SEC31B: variants seen among roughly 807,000 people sequenced by gnomAD.
The protein encoded by SEC31B is protein transport protein Sec31B.
A neutral mutation model predicts 135.0 loss-of-function variants in SEC31B; 113 were observed. The observed-to-expected ratio is 0.84, with a 90% CI of 0.72 to 0.98. The LOEUF is 0.98. Among genes scored for constraint, SEC31B ranks in the 50% least tolerant of loss-of-function variants. SEC31B has a pLI of 0.00. For synonymous variants in SEC31B, 508 were observed against 549.4 expected (o/e 0.92, Z 1.05); for missense variants, 1,296 against 1,421.1 (o/e 0.91, Z 1.42).
At position 100,509,402 on chromosome 10, in the gene SEC31B, T is replaced by G. The variant is rs1389146746; in HGVS notation, c.313A>C (p.Ile105Leu). The G allele has an allele frequency of 6.2e-7, 1 of 1,614,192 alleles. No homozygotes were observed. Among genetic ancestry groups the G allele is most frequent in the Non-Finnish European group, 8.5e-7 (1 of 1,180,022 alleles). The change falls in exon 4 of 26, where the codon ATC (isoleucine) becomes CTC (leucine). Residue 105 changes from isoleucine (I) to leucine (L), a missense_variant. Coordinates refer to ENST00000370345, the MANE Select transcript of SEC31B (RefSeq NM_015490.4). ...ACAGGCTCCTTCCCCGAAGACAGGA[T>G]GTGGGTCACATTGTATAGAATAAGC... ...GMLILYNVTH[I>L]LSSGKEPVIA...
chr10:100,493,473 C>A (rs1019850665), intron 19 of SEC31B, among the ~76,000 whole-genome samples: 1 of 152,014 alleles, frequency 6.6e-6, no homozygotes, highest in East Asian at 1.9e-4. Context: ...CTTGAATGAA[C>A]CTCAAAGAAG....
intron 11 of SEC31B, among the ~76,000 whole-genome samples, chr10:100,500,536 G>A (rs911467651): frequency 4.6e-5 from 7 of 151,848 alleles, no homozygotes; most frequent in African/African-American, 1.7e-4. Context: ...GGCTGGTCTC[G>A]AACTCCTGAC....
chr10:100,498,201 T>C lies in SEC31B; in HGVS notation c.1691A>G (p.Asp564Gly). Residue 564 changes from aspartate (D) to glycine (G), a missense_variant, in exon 15 of 26, where the codon GAT (aspartate) becomes GGT (glycine). By Grantham distance (94) the Asp-to-Gly change is moderately conservative (BLOSUM62 -1). Transcript: ENST00000370345. ...CAGGAGAGCCTGGCTTAGGAGTCCA[T>C]CAATATCTGCAGGCAGAAGCATCCC... is the stretch of plus-strand genomic sequence containing the variant. ...PWEIPITKDI[D>G]GLLSQALLLG... is the part of the protein sequence containing the mutation. 1 of 1,614,048 alleles carries C rather than the reference T, an allele frequency of 6.2e-7. No individual in the cohort carries two copies. The highest frequency in any genetic ancestry group is 8.5e-7 in the Non-Finnish European group (1 of 1,179,998).
In SEC31B at chr10:100,498,785, T is replaced by C; in HGVS notation, c.1604A>G (p.Lys535Arg). ...FCSQASKHTT[K>R]EASASSAFFD... ...GAAGGCTGAGGAAGCAGAGGCTTCC[T>C]TTGTGGTGTGTTTGGAGGCCTGTAT... The change falls in exon 14 of 26, where the codon AAG becomes AGG. Residue 535 changes from lysine (K) to arginine (R), a missense_variant. Transcript: ENST00000370345. 1 of 1,613,804 alleles carries C rather than the reference T, an allele frequency of 6.2e-7. No individual in the cohort carries two copies. Among genetic ancestry groups the C allele is most frequent in the South Asian group, 1.1e-5 (1 of 91,080 alleles).
rs1002292004 is a variant in SEC31B, at chr10:100,499,161, T to C, written c.1583A>G (p.Gln528Arg). The C allele has an allele frequency of 6.2e-7, 1 of 1,613,828 alleles. No individual in the cohort carries two copies. The highest frequency in any genetic ancestry group is 8.5e-7 in the Non-Finnish European group (1 of 1,179,762). ...AGGCTGACTGGACTCCTACCACACC[T>C]GGCTGCAGAAGGCCTGTTGTCTGTC... The part of the protein sequence containing the change: ...NSDRQQAFCS[Q>R]ASKHTTKEAS... The change falls in exon 13 of 26, where the codon CAG becomes CGG. Residue 528 changes from glutamine to arginine, a missense_variant and splice_region_variant. Gln to Arg is a conservative substitution (Grantham distance 43, BLOSUM62 1). Coordinates refer to ENST00000370345, the MANE Select transcript of SEC31B (RefSeq NM_015490.4).
At chr10:100,489,901 C>CA (rs1851266681) in intron 21 of SEC31B, 107 bp downstream of exon 21, 3 of 1,541,922 alleles carry the variant, frequency 1.9e-6, no homozygotes, top group Non-Finnish European at 2.6e-6. Context: ...AGCCACCCTC[C>CA]ACCCAACAGG....
chr10:100,489,686 G>T lies in SEC31B; in HGVS notation c.3024+17C>A, dbSNP rs766432344. On this transcript the variant is annotated intron_variant, in intron 22 of 25. Coordinates refer to ENST00000370345, the MANE Select transcript of SEC31B (RefSeq NM_015490.4). ...TGGTGAATGTGCGAGGGAGTGGGTA[G>T]GGAAAGATGCATTGACCTTGTTCCT... is the stretch of plus-strand genomic sequence containing the variant. The T allele has an allele frequency of 6.2e-7, 1 of 1,614,196 alleles. No homozygotes were observed. The highest frequency in any genetic ancestry group is 1.1e-5 in the South Asian group (1 of 91,086).
At chr10:100,501,223 C>T (rs779442524) in intron 11 of SEC31B, among the ~76,000 whole-genome samples, 6 of 151,910 alleles carry the variant, frequency 3.9e-5, no homozygotes, top group Admixed American at 6.6e-5. Flanking sequence ...CCAGCCTGAG[C>T]GACAAGAGTG....
rs150718370 is a variant in SEC31B, at chr10:100,489,765, T to C, written c.2966-4A>G. 120 of 1,613,984 alleles carry C rather than the reference T, an allele frequency of 7.4e-5. No homozygotes were observed. The East Asian group carries it at 2.5e-3, about 34-fold the overall frequency. On this transcript the variant is annotated splice_region_variant and splice_polypyrimidine_tract_variant and intron_variant, in intron 21 of 25. Transcript: ENST00000370345. ...TCTTTCCAGGAATCTTGAGGTCCTA[T>C]AGAATAAAAAGATAGAGGTTTTTCG...
At chr10:100,504,127 G>A (rs951082939) in intron 10 of SEC31B, among the ~76,000 whole-genome samples, 1 of 152,160 alleles carries the variant, frequency 6.6e-6, no homozygotes, top group Non-Finnish European at 1.5e-5. Context: ...CGATAAGAAC[G>A]GTTAAGTCCT....
At chr10:100,493,487 T>C (rs564672169) in intron 19 of SEC31B, among the ~76,000 whole-genome samples, 7 of 152,276 alleles carry the variant, frequency 4.6e-5, no homozygotes, top group Non-Finnish European at 5.9e-5. Flanking sequence ...AAAGAAGTTA[T>C]GCTAAGGGAG....
chr10:100,488,927 T>G lies in SEC31B; in HGVS notation c.3219A>C (p.Pro1073=). Residue 1073 remains proline, a synonymous_variant, in exon 24 of 26, where the codon CCA becomes CCC. Transcript: ENST00000370345. ...AGCTGCTCTTCAAGGACTGATGCTC[T>G]GGGGGCAGCTCCTTCCTTTCCATCT... is the stretch of plus-strand genomic sequence containing the variant. The part of the protein sequence containing the change: ...PEKMERKELP[P]EHQSLKSSFE... The G allele has an allele frequency of 6.2e-7, 1 of 1,611,690 alleles. No homozygotes were observed. Among genetic ancestry groups the G allele is most frequent in the Non-Finnish European group, 8.5e-7 (1 of 1,179,212 alleles).
chr10:100,487,558 T>A lies in SEC31B; in HGVS notation c.*58A>T, dbSNP rs1279957333. 2.0e-6 allele frequency: 3 copies of A among 1,477,878 alleles called. No individual in the cohort carries two copies. The East Asian group carries it at 7.1e-5, about 35-fold the overall frequency. 91.5% of individuals were successfully genotyped at this position (1,477,878 alleles called of 1,614,324 possible). A position where few individuals can be genotyped will look rare whatever the true frequency, so the allele number is the denominator to read the frequency against. On this transcript the variant is annotated 3_prime_UTR_variant, in exon 26 of 26. Coordinates refer to ENST00000370345, the MANE Select transcript of SEC31B (RefSeq NM_015490.4). Reference sequence around the variant, plus strand: ...AATCTGTTGCAGAAGTCCCCTCTTCTGCAGGGAGGAGTTATGTAACAGCAG... The same window carrying A: ...AATCTGTTGCAGAAGTCCCCTCTTCAGCAGGGAGGAGTTATGTAACAGCAG...
rs1225308356 is a variant in SEC31B, at chr10:100,516,233, A to G, written c.80-14T>C. 4 of 1,612,118 alleles carry G rather than the reference A, an allele frequency of 2.5e-6. No individual in the cohort carries two copies. The highest frequency in any genetic ancestry group is 3.4e-6 in the Non-Finnish European group (4 of 1,179,430). On this transcript the variant is annotated splice_polypyrimidine_tract_variant and intron_variant, in intron 2 of 25. Coordinates refer to ENST00000370345, the MANE Select transcript of SEC31B (RefSeq NM_015490.4). Reference sequence around the variant, plus strand: ...GGGCAGATGTTCCTAGGCACAAGAAAAGGCAGCATATGAGCAACAATATAT... The same window carrying G: ...GGGCAGATGTTCCTAGGCACAAGAAGAGGCAGCATATGAGCAACAATATAT...
rs1851355071 is a variant in SEC31B, at chr10:100,493,992, GACAAGGGAGGGAA to G, written c.2472+1380_2472+1392del. On this transcript the variant is annotated intron_variant, in intron 19 of 25. Coordinates refer to ENST00000370345, the MANE Select transcript of SEC31B (RefSeq NM_015490.4). ...AGAGGAGGGGAAGGGGAAAAGGGGA[GACAAGGGAGGGAA>G]GAAAGGGAGGGAGGAAAGGGAGGGA... is the stretch of plus-strand genomic sequence containing the variant. Among the ~76,000 whole-genome samples the G allele has an allele frequency of 2.7e-5, 4 of 148,894 alleles. No homozygotes were observed. In the South Asian group the frequency reaches 8.5e-4, roughly 32 times the overall value.
chr10:100,498,923 G>C, intron 13 of SEC31B, 119 bp from the exon 14 acceptor site: 1 of 790,346 alleles, frequency 1.3e-6, no homozygotes, highest in Admixed American at 2.5e-5. Context: ...TAAAAAAATA[G>C]CCAGGTAAGG....
intron 10 of SEC31B, among the ~76,000 whole-genome samples, chr10:100,504,414 C>T (rs546381557): frequency 2.5e-4 from 38 of 152,292 alleles, no homozygotes; most frequent in African/African-American, 8.2e-4. Context: ...GCTAGTCCTC[C>T]GACCAGCTGC....
At chr10:100,501,989 G>A (rs1020439882) in intron 11 of SEC31B, among the ~76,000 whole-genome samples, 1 of 152,180 alleles carries the variant, frequency 6.6e-6, no homozygotes, top group Non-Finnish European at 1.5e-5. Flanking sequence ...AAATACCTAG[G>A]ACATCAACCA....
chr10:100,496,949 G>A (rs1305684997), intron 17 of SEC31B, among the ~76,000 whole-genome samples, 186 bp downstream of exon 17: 1 of 152,250 alleles, frequency 6.6e-6, no homozygotes, highest in African/African-American at 2.4e-5. Flanking sequence ...CACTGAAGCA[G>A]CTGCTGCTTA....
Sources: gnomAD v4.1 joint callset for allele counts (sites outside exome capture counted in the v4.1 genomes callset) on GRCh38, gnomAD v4.1.1 for gene constraint, MANE v1.5 for transcripts, NCBI Gene and HGNC (gene_info 2026-07-23, HGNC 2026-07-21) for gene names.